The following TENM3 variants were observed in gnomAD, a reference collection of about 807,000 sequenced individuals.
TENM3 encodes teneurin-3.
A neutral mutation model predicts 255.1 loss-of-function variants in TENM3; 63 were observed. The ratio of observed to expected loss-of-function variants is 0.25; its 90% CI spans 0.20 to 0.30. The LOEUF is 0.30. Among genes scored for constraint, TENM3 ranks in the 10% least tolerant of loss-of-function variants. The probability of loss-of-function intolerance (pLI) is 1.00; values close to 1 mark genes in which losing one functional copy is unlikely to be tolerated. For missense variants in TENM3, 2,929 were observed against 3,461.1 expected, an observed-to-expected ratio of 0.85 and a Z score of 3.86; for synonymous variants, 1,306 against 1,322.3, an observed-to-expected ratio of 0.99 and a Z score of 0.27.
At chr4:181,510,213 G>A in the TENM3 span, among the ~76,000 whole-genome samples, 1 of 152,172 alleles carries the variant, frequency 6.6e-6, no homozygotes. Flanking sequence ...TTTCACAGCA[G>A]AAAATATTTT....
chr4:181,681,346 A>C, the TENM3 span, among the ~76,000 whole-genome samples: 1 of 152,098 alleles, frequency 6.6e-6, no homozygotes, highest in Non-Finnish European at 1.5e-5. Flanking sequence ...CCTTGGAAAG[A>C]AACTGCTTTA....
At chr4:181,778,140 A>T in the TENM3 span, among the ~76,000 whole-genome samples, 3 of 152,004 alleles carry the variant, frequency 2.0e-5, no homozygotes, top group African/African-American at 7.2e-5. Flanking sequence ...TTATTTTTTT[A>T]TTTTAATTAA....
the TENM3 span, among the ~76,000 whole-genome samples, chr4:181,511,460 A>G: frequency 1.3e-5 from 2 of 152,108 alleles, no homozygotes; most frequent in Non-Finnish European, 2.9e-5. Context: ...ATGCGTGGGT[A>G]CAGCAAGAAG....
the TENM3 span, among the ~76,000 whole-genome samples, chr4:181,516,545 C>G: frequency 6.6e-6 from 1 of 151,952 alleles, no homozygotes; most frequent in Admixed American, 6.6e-5. Flanking sequence ...CTTTGGGAGG[C>G]CGAGGCGGGC....
At chr4:182,751,680 C>A in intron 19 of TENM3, 120 bp from the exon 20 acceptor site, 2 of 716,728 alleles carry the variant, frequency 2.8e-6, no homozygotes, top group Non-Finnish European at 4.9e-6. Context: ...CATGTCTAAT[C>A]TTTGATCATG....
At chr4:181,999,984 G>C in the TENM3 span, among the ~76,000 whole-genome samples, 2 of 151,958 alleles carry the variant, frequency 1.3e-5, no homozygotes, top group African/African-American at 4.8e-5. Flanking sequence ...TTCCAAACCT[G>C]TGAAAATTTT....
the TENM3 span, among the ~76,000 whole-genome samples, chr4:181,829,659 G>T: frequency 2.0e-5 from 3 of 152,220 alleles, no homozygotes; most frequent in Non-Finnish European, 2.9e-5. Context: ...AGGGAGGAAA[G>T]TGTAGCAGAT....
At chr4:182,266,337 A>C (rs1759241440) in intron 1 of TENM3, among the ~76,000 whole-genome samples, 1 of 152,252 alleles carries the variant, frequency 6.6e-6, no homozygotes, top group Admixed American at 6.5e-5. Flanking sequence ...TGCCTAAATT[A>C]AAATGTCAAA....
intron 1 of TENM3, among the ~76,000 whole-genome samples, chr4:182,186,762 CATATATATATATATATAT>C (rs70954298): frequency 0.027 from 747 of 27,466 alleles, 52 homozygotes; most frequent in East Asian, 0.15. Flanking sequence ...ACTAATGCAT[CATATATATATATATATAT>C]ATATATATAT....
At chr4:181,488,240 C>T in the TENM3 span, among the ~76,000 whole-genome samples, 3 of 152,232 alleles carry the variant, frequency 2.0e-5, no homozygotes, top group African/African-American at 7.2e-5. Flanking sequence ...ACGTCATACA[C>T]TATGTGTCCA....
the TENM3 span, among the ~76,000 whole-genome samples, chr4:181,495,764 A>G: frequency 6.6e-6 from 1 of 152,106 alleles, no homozygotes; most frequent in Non-Finnish European, 1.5e-5. Context: ...AACTTCTTAT[A>G]GGAAAATATG....
rs1304125121 is a variant in TENM3, at chr4:182,161,856, T to C, written c.-76+17102T>C. 1.2e-4 allele frequency among the ~76,000 whole-genome samples: 5 copies of C among 42,408 alleles called. 1 individual carries two copies. The highest frequency in any genetic ancestry group is 2.2e-4 in the African/African-American group (4 of 18,410). 27.8% of individuals were successfully genotyped at this position (42,408 alleles called of 152,430 possible). ...ATATATGTGTATATATACACAAATA[T>C]ATATGTGTATATATGTGTATATATA... On this transcript the variant is annotated intron_variant, in intron 1 of 2. Transcript: ENST00000512480.
At chr4:182,545,103 G>A (rs997267601) in intron 3 of TENM3, among the ~76,000 whole-genome samples, 2 of 152,148 alleles carry the variant, frequency 1.3e-5, no homozygotes, top group Non-Finnish European at 1.5e-5. Context: ...AGAAAAAAAA[G>A]TCGTAGTTTT....
At chr4:181,625,464 C>A in the TENM3 span, among the ~76,000 whole-genome samples, 1 of 152,126 alleles carries the variant, frequency 6.6e-6, no homozygotes, top group Non-Finnish European at 1.5e-5. Context: ...TGCCTGCTTG[C>A]GGAGCACGTG....
At chr4:181,605,639 C>T in the TENM3 span, among the ~76,000 whole-genome samples, 1 of 151,390 alleles carries the variant, frequency 6.6e-6, no homozygotes, top group Non-Finnish European at 1.5e-5. Context: ...CAAACCAGCA[C>T]CACATATGAC....
chr4:181,729,677 G>A, the TENM3 span, among the ~76,000 whole-genome samples: 1 of 152,172 alleles, frequency 6.6e-6, no homozygotes, highest in African/African-American at 2.4e-5. Flanking sequence ...GGCTGCCAGG[G>A]TGGCTCTTCT....
the TENM3 span, among the ~76,000 whole-genome samples, chr4:181,512,092 A>C: frequency 1.3e-5 from 2 of 152,062 alleles, no homozygotes; most frequent in Admixed American, 1.3e-4. Flanking sequence ...TTCATTGCTC[A>C]CTACTGGCCC....
chr4:182,352,072 G>T (rs1191448736), intron 3 of TENM3, among the ~76,000 whole-genome samples: 2 of 151,944 alleles, frequency 1.3e-5, no homozygotes, highest in Non-Finnish European at 2.9e-5. Context: ...GATATCTATA[G>T]ATATCAATAG....
chr4:181,613,008 T>C, the TENM3 span, among the ~76,000 whole-genome samples: 1 of 152,222 alleles, frequency 6.6e-6, no homozygotes, highest in Admixed American at 6.5e-5. Flanking sequence ...ATGGCAACTT[T>C]TAAAAGCTTC....
Sources: allele counts gnomAD v4.1 joint callset (sites outside exome capture counted in the v4.1 genomes callset), GRCh38; gene constraint gnomAD v4.1.1; transcripts MANE v1.5; gene names NCBI Gene and HGNC (gene_info 2026-07-23, HGNC 2026-07-21).